Variants in NFASC observed in about 807,000 individuals in gnomAD.
NFASC encodes neurofascin, also known as neurofascin homolog.
In NFASC, 43 loss-of-function variants were observed where a neutral mutation model predicts 147.5. The ratio of observed to expected loss-of-function variants is 0.29; its 90% CI spans 0.23 to 0.38. The LOEUF is 0.38. Among genes scored for constraint, NFASC ranks in the 10% least tolerant of loss-of-function variants. The pLI, the probability that NFASC is intolerant of heterozygous loss-of-function variation, is 1.00. For synonymous variants in NFASC, 622 were observed against 665.5 expected, an observed-to-expected ratio of 0.93 and a Z score of 1.01; for missense variants, 1,320 against 1,689.0, an observed-to-expected ratio of 0.78 and a Z score of 3.83.
At chr1:205,001,896 G>A (rs559842782) in intron 26 of NFASC, among the ~76,000 whole-genome samples, 2 of 152,302 alleles carry the variant, frequency 1.3e-5, no homozygotes, top group East Asian at 3.9e-4. Flanking sequence ...TCTTCAGTAT[G>A]TGCTCTAAGC....
At chr1:204,931,450 T>C (rs1225679954) in intron 2 of NFASC, among the ~76,000 whole-genome samples, 45 of 152,238 alleles carry the variant, frequency 3.0e-4, no homozygotes, top group Admixed American at 2.9e-3. Flanking sequence ...ATTGGCTCTG[T>C]TGGGCTTTTA....
At chr1:204,859,258 C>T (rs1008892409) in intron 1 of NFASC, among the ~76,000 whole-genome samples, 1 of 152,248 alleles carries the variant, frequency 6.6e-6, no homozygotes, top group Non-Finnish European at 1.5e-5. Context: ...TAACCATGCT[C>T]TGCTCACTGT....
chr1:204,835,349 T>C (rs1025645149), intron 1 of NFASC, among the ~76,000 whole-genome samples: 2 of 148,878 alleles, frequency 1.3e-5, no homozygotes, highest in Non-Finnish European at 3.0e-5. Flanking sequence ...TGCCTCAGCC[T>C]CCCAAGTAGC....
chr1:204,987,693 A>C lies in NFASC; in HGVS notation c.2593+153A>C, dbSNP rs1219731903. Among the ~76,000 whole-genome samples, 1 of 152,208 alleles carries C rather than the reference A, an allele frequency of 6.6e-6. No homozygotes were observed. Among genetic ancestry groups the C allele is most frequent in the African/African-American group, 2.4e-5 (1 of 41,446 alleles). ...CAACGAAACAGTTCCCAATAGGATT[A>C]GGGGAGGCAGATGGGACTCAATCCC... On this transcript the variant is annotated intron_variant, in intron 22 of 29. Coordinates refer to ENST00000339876, the MANE Select transcript of NFASC (RefSeq NM_001005388.3). This position sits in a 1 kb window ranked among gnomAD's most constrained non-coding sequence, Gnocchi z 4.4.
chr1:204,996,857 C>G (rs1558416749), intron 24 of NFASC, among the ~76,000 whole-genome samples: 1 of 152,188 alleles, frequency 6.6e-6, no homozygotes, highest in Non-Finnish European at 1.5e-5. Flanking sequence ...TCCCTGGGGT[C>G]TGAGCGATTC....
At chr1:204,956,746 G>A (rs1255778329) in intron 7 of NFASC, among the ~76,000 whole-genome samples, 2 of 152,152 alleles carry the variant, frequency 1.3e-5, no homozygotes, top group South Asian at 2.1e-4. Flanking sequence ...CCATTATGGG[G>A]AAGTTGGCAT....
intron 1 of NFASC, among the ~76,000 whole-genome samples, chr1:204,866,794 T>C (rs996841069): frequency 5.9e-5 from 9 of 152,322 alleles, no homozygotes; most frequent in African/African-American, 2.2e-4. Flanking sequence ...GCACATATCA[T>C]TACAATGAAT....
intron 11 of NFASC, among the ~76,000 whole-genome samples, chr1:204,971,147 G>T (rs1021475418): frequency 2.0e-5 from 3 of 152,094 alleles, no homozygotes; most frequent in Admixed American, 2.0e-4. Flanking sequence ...ACCCATTGTT[G>T]GTTACTCAAG....
At chr1:204,840,061 A>T (rs559245962) in intron 1 of NFASC, among the ~76,000 whole-genome samples, 3 of 152,174 alleles carry the variant, frequency 2.0e-5, no homozygotes, top group African/African-American at 4.8e-5. Context: ...CATCCTCCAC[A>T]TAGTGCTTCT....
intron 1 of NFASC, among the ~76,000 whole-genome samples, chr1:204,911,003 G>A (rs1387666426): frequency 6.6e-6 from 1 of 152,048 alleles, no homozygotes; most frequent in Non-Finnish European, 1.5e-5. Context: ...AGATATCCTT[G>A]CCTTGTTGTT....
intron 25 of NFASC, 137 bp from the exon 26 acceptor site, chr1:205,001,033 A>G: frequency 3.0e-6 from 2 of 675,340 alleles, no homozygotes; most frequent in Admixed American, 4.1e-5. Flanking sequence ...CCTTTCCTAG[A>G]TGACTGTGTG....
chr1:204,918,636 A>AGT (rs1427072182), intron 1 of NFASC, among the ~76,000 whole-genome samples: 1 of 135,504 alleles, frequency 7.4e-6, no homozygotes, highest in Non-Finnish European at 1.5e-5. Flanking sequence ...CCCAGGCTGG[A>AGT]GTGCAGTGGC....
At chr1:204,906,753 GCTC>G (rs2086010809) in intron 1 of NFASC, among the ~76,000 whole-genome samples, 1 of 57,334 alleles carries the variant, frequency 1.7e-5, no homozygotes, top group Admixed American at 1.2e-4. Context: ...CGCGATCTCG[GCTC>G]ACTGCAAGCT....
chr1:204,939,794 T>G (rs1437281902), intron 2 of NFASC, among the ~76,000 whole-genome samples: 3 of 152,382 alleles, frequency 2.0e-5, no homozygotes, highest in Middle Eastern at 3.4e-3. Flanking sequence ...CCTTTCTTCC[T>G]GGTCATCAGG....
At chr1:205,009,261 G>T in intron 27 of NFASC, 1 of 480,674 alleles carries the variant, frequency 2.1e-6, no homozygotes, top group Non-Finnish European at 3.9e-6. Flanking sequence ...TTCCAAGAAT[G>T]CCGTGCTTCA....
At chr1:204,910,070 CTTT>C (rs2086987010) in intron 1 of NFASC, among the ~76,000 whole-genome samples, 1 of 151,784 alleles carries the variant, frequency 6.6e-6, no homozygotes, top group South Asian at 2.1e-4. Context: ...ATTCTTGTTC[CTTT>C]TTATTTCCAT....
rs551117766 is a variant in NFASC at position 204,974,218 on chromosome 1, T to C, written c.1319T>C (p.Ile440Thr). 4 of 1,614,104 alleles carry C rather than the reference T, an allele frequency of 2.5e-6. No homozygotes were observed. In the South Asian group the frequency reaches 4.4e-5, roughly 18 times the overall value. The change falls in exon 13 of 30, where the codon ATT becomes ACT. Residue 440 changes from isoleucine to threonine, a missense_variant. This residue lies in a region of NFASC where 981 missense variants were observed against 1,289.5 expected (regional missense o/e 0.76). Transcript: ENST00000339876. ...ATGCTGTCGCCCCGGAACCAGCTCATTCGAGTGATTCTTTACAACCGGACG... is the reference window on the plus strand; with the variant it reads ...ATGCTGTCGCCCCGGAACCAGCTCACTCGAGTGATTCTTTACAACCGGACG... ...PRMLSPRNQL[I>T]RVILYNRTRL... is the part of the protein sequence containing the mutation.
At chr1:204,997,503 C>T in intron 25 of NFASC, 97 bp downstream of exon 25, 1 of 1,404,532 alleles carries the variant, frequency 7.1e-7, no homozygotes, top group South Asian at 1.2e-5. Flanking sequence ...GAGGTGGGGT[C>T]TGGGGTGGTG....
At chr1:204,958,843 C>T (rs1458025884) in intron 8 of NFASC, among the ~76,000 whole-genome samples, 1 of 152,092 alleles carries the variant, frequency 6.6e-6, no homozygotes, top group Non-Finnish European at 1.5e-5. Flanking sequence ...ACAATGGCTC[C>T]CCGGGTGGGT....
Sources: allele counts gnomAD v4.1 joint callset (sites outside exome capture counted in the v4.1 genomes callset), GRCh38; gene constraint gnomAD v4.1.1; regional missense constraint gnomAD v4.1.1; non-coding constraint Gnocchi (gnomAD v3.1); transcripts MANE v1.5; gene names NCBI Gene and HGNC (gene_info 2026-07-23, HGNC 2026-07-21).